Variants in ANXA2 observed in about 807,000 individuals in gnomAD.
The protein encoded by ANXA2 is annexin A2.
ANXA2 carries 28 observed loss-of-function variants against 47.3 expected under a neutral mutation model. That is an observed-to-expected ratio of 0.59 (90% CI 0.44 to 0.81). ANXA2 has a LOEUF of 0.81. ANXA2 is among the 40% of genes least tolerant of loss of function. The pLI, the probability that ANXA2 is intolerant of heterozygous loss-of-function variation, is 0.00. For missense variants in ANXA2, 384 were observed against 414.3 expected (o/e 0.93, Z 0.64); for synonymous variants, 172 against 155.5 (o/e 1.11, Z -0.79).
Position 60,364,467 on chromosome 15 carries a change from G to T in ANXA2, c.205C>A (p.Gln69Lys). The change falls in exon 4 of 13, where the codon CAG (glutamine) becomes AAG (lysine). Residue 69 changes from glutamine (Q) to lysine (K), a missense_variant. Gln to Lys is a moderately conservative substitution (Grantham distance 53). Coordinates refer to ENST00000451270, the MANE Select transcript of ANXA2 (RefSeq NM_004039.3). ...CTCTGGTAGGCGAAGGCAATATCCT[G>T]TCTCTGTGCATTGCTGCGGTTGGTC... ...ILTNRSNAQR[Q>K]DIAFAYQRRT... is the part of the protein sequence containing the mutation. 6.2e-7 allele frequency: 1 copy of T among 1,613,492 alleles called. No homozygotes were observed. Among genetic ancestry groups the T allele is most frequent in the East Asian group, 2.2e-5 (1 of 44,876 alleles).
At chr15:60,359,364 G>A (rs942685935) in intron 5 of ANXA2, among the ~76,000 whole-genome samples, 1 of 152,178 alleles carries the variant, frequency 6.6e-6, no homozygotes, top group African/African-American at 2.4e-5. Flanking sequence ...AGTGTTGATG[G>A]TCAGAAGAAA....
At chr15:60,374,916 A>G (rs918697270) in intron 3 of ANXA2, among the ~76,000 whole-genome samples, 3 of 152,172 alleles carry the variant, frequency 2.0e-5, no homozygotes, top group African/African-American at 7.2e-5. Context: ...GTCACAGAAG[A>G]GCTCACACTC....
chr15:60,366,255 G>GCCCGGCCGCCAC (rs2062598812), intron 3 of ANXA2, among the ~76,000 whole-genome samples: 1 of 151,316 alleles, frequency 6.6e-6, no homozygotes, highest in Admixed American at 6.6e-5. Flanking sequence ...TGCAGCCTCT[G>GCCCGGCCGCCAC]CCCGGCCGCC....
intron 10 of ANXA2, 143 bp downstream of exon 10, chr15:60,351,581 T>C (rs999217823): frequency 1.4e-4 from 93 of 663,126 alleles, no homozygotes; most frequent in Admixed American, 2.7e-5. Context: ...TATTCTGAAA[T>C]CTATACAATT....
Position 60,389,924 on chromosome 15 carries a change from T to C in ANXA2, c.-11-3838A>G, listed in dbSNP as rs142867763. 4.7e-4 allele frequency among the ~76,000 whole-genome samples: 71 copies of C among 152,200 alleles called. 1 individual carries two copies. In the East Asian group the frequency reaches 0.013, roughly 29 times the overall value. Reference sequence around the variant, plus strand: ...TGCCAGGGCACTTTTTGATACCACTTCATTCATCCATTCGGCAGAATGTTT... The same window carrying C: ...TGCCAGGGCACTTTTTGATACCACTCCATTCATCCATTCGGCAGAATGTTT... On this transcript the variant is annotated intron_variant, in intron 1 of 12. Transcript: ENST00000451270.
chr15:60,397,555 G>C (rs2063097463), intron 1 of ANXA2, among the ~76,000 whole-genome samples: 1 of 152,176 alleles, frequency 6.6e-6, no homozygotes, highest in African/African-American at 2.4e-5. Flanking sequence ...CTGCTGCGCC[G>C]GGGACCTGCG....
Position 60,355,925 on chromosome 15 carries a change from C to T in ANXA2, c.522G>A (p.Leu174=), listed in dbSNP as rs781596933. 1.7e-5 allele frequency: 28 copies of T among 1,613,996 alleles called. 1 individual carries two copies. The South Asian group carries it at 2.9e-4, about 16-fold the overall frequency. ...AAGAAACTGGGAAACCAACCTTTGCCAGGGCAACCATCAGCTTGCGGAAGT... is the reference window on the plus strand; with the variant it reads ...AAGAAACTGGGAAACCAACCTTTGCTAGGGCAACCATCAGCTTGCGGAAGT... ...SGDFRKLMVA[L]AKGRRAEDGS... Residue 174 remains leucine, a synonymous_variant, in exon 7 of 13, where the codon CTG becomes CTA. Transcript: ENST00000451270.
At chr15:60,348,932 C>T (rs907644608) in intron 12 of ANXA2, 143 bp downstream of exon 12, 3 of 880,410 alleles carry the variant, frequency 3.4e-6, no homozygotes, top group African/African-American at 1.7e-5. Flanking sequence ...AAAATAAATC[C>T]CTGATAGTTG....
rs113480118 is a variant in ANXA2 at position 60,354,078 on chromosome 15, A to G, written c.588+76T>C. ...AGAGTTTGGGAGTCATTTGTCACAC[A>G]GAGTTAAATTACTATATAGACTATC... is the stretch of plus-strand genomic sequence containing the variant. On this transcript the variant is annotated intron_variant, in intron 8 of 12. Coordinates refer to ENST00000451270, the MANE Select transcript of ANXA2 (RefSeq NM_004039.3). 40 of 1,157,630 alleles carry G rather than the reference A, an allele frequency of 3.5e-5. No homozygotes were observed. The African/African-American group carries it at 3.7e-4, about 11-fold the overall frequency. 71.7% of individuals were successfully genotyped at this position (1,157,630 alleles called of 1,614,324 possible).
intron 3 of ANXA2, among the ~76,000 whole-genome samples, chr15:60,381,685 G>A (rs1265374830): frequency 6.6e-6 from 1 of 152,038 alleles, no homozygotes; most frequent in Non-Finnish European, 1.5e-5. Flanking sequence ...GGCCTAAGGA[G>A]CAGCAGAACT....
At chr15:60,390,321 G>C in intron 1 of ANXA2, 1 of 1,026,258 alleles carries the variant, frequency 9.7e-7, no homozygotes, top group Non-Finnish European at 1.2e-6. Context: ...TTTCACCCTA[G>C]AAATAAAATA....
chr15:60,386,614 A>G (rs2062937038), intron 1 of ANXA2: 1 of 152,758 alleles, frequency 6.5e-6, no homozygotes, highest in Non-Finnish European at 1.5e-5. Flanking sequence ...CTTGGAAGAT[A>G]TTAAAGTATT....
At chr15:60,360,313 G>A (rs530835298) in intron 5 of ANXA2, among the ~76,000 whole-genome samples, 1 of 152,262 alleles carries the variant, frequency 6.6e-6, no homozygotes, top group African/African-American at 2.4e-5. Flanking sequence ...ACAAAGTTCA[G>A]GAGGTTTCCA....
At position 60,382,402 on chromosome 15, in the gene ANXA2, A is replaced by G. The variant is rs1263497771; in HGVS notation, c.88T>C (p.Tyr30His). The G allele has an allele frequency of 1.2e-6, 2 of 1,613,906 alleles. No individual in the cohort carries two copies. The highest frequency in any genetic ancestry group is 2.2e-5 in the East Asian group (1 of 44,890). The part of the protein sequence containing the change: ...PPSAYGSVKA[Y>H]TNFDAERDAL... ...TCCCGCTCAGCATCAAAGTTAGTAT[A>G]GGCTTTGACAGACCCATATGCACTT... Residue 30 changes from tyrosine to histidine, a missense_variant, in exon 3 of 13, where the codon TAT (tyrosine) becomes CAT (histidine). Tyr to His is a moderately conservative substitution (Grantham distance 83). Coordinates refer to ENST00000451270, the MANE Select transcript of ANXA2 (RefSeq NM_004039.3).
chr15:60,382,571 T>A, intron 2 of ANXA2, 130 bp from the exon 3 acceptor site: 1 of 636,170 alleles, frequency 1.6e-6, no homozygotes, highest in Non-Finnish European at 2.7e-6. Context: ...GGTAACTAGG[T>A]AGGTATTAAC....
At chr15:60,351,441 C>A in intron 10 of ANXA2, 190 bp from the exon 11 acceptor site, 2 of 654,418 alleles carry the variant, frequency 3.1e-6, no homozygotes, top group South Asian at 3.9e-5. Context: ...CGGTTTTAAA[C>A]CAGGGGTCTC....
At chr15:60,389,660 C>T (rs2062981407) in intron 1 of ANXA2, among the ~76,000 whole-genome samples, 1 of 152,232 alleles carries the variant, frequency 6.6e-6, no homozygotes, top group South Asian at 2.1e-4. Flanking sequence ...TAAATCTCCC[C>T]ATTTAATCTT....
chr15:60,379,453 T>C (rs1173856790), intron 3 of ANXA2, among the ~76,000 whole-genome samples: 1 of 151,752 alleles, frequency 6.6e-6, no homozygotes, highest in African/African-American at 2.4e-5. Context: ...TATCTGAAAA[T>C]AATTCAAGGC....
intron 1 of ANXA2, chr15:60,396,187 A>T (rs1302989285): frequency 6.6e-6 from 1 of 152,168 alleles, no homozygotes; most frequent in Admixed American, 6.6e-5. Flanking sequence ...TAGCTTGAGC[A>T]GCTGGGACTA....
Sources: allele counts gnomAD v4.1 joint callset (sites outside exome capture counted in the v4.1 genomes callset), GRCh38; gene constraint gnomAD v4.1.1; transcripts MANE v1.5; gene names NCBI Gene and HGNC (gene_info 2026-07-23, HGNC 2026-07-21).